SYT9: variants seen among roughly 807,000 people sequenced by gnomAD.
SYT9 encodes the protein synaptotagmin-9.
In SYT9, 22 loss-of-function variants were observed where a neutral mutation model predicts 48.4. The ratio of observed to expected loss-of-function variants is 0.45; its 90% confidence interval spans 0.32 to 0.65. The LOEUF is 0.65. Ranked by LOEUF, SYT9 falls within the 30% of genes least tolerant of loss-of-function variation. The pLI, the probability that SYT9 is intolerant of heterozygous loss-of-function variation, is 0.03. For missense variants in SYT9, 577 were observed against 622.0 expected, an observed-to-expected ratio of 0.93 and a Z score of 0.77; for synonymous variants, 265 against 245.0, an observed-to-expected ratio of 1.08 and a Z score of -0.76.
At chr11:7,395,824 A>T (rs1846741441) in intron 3 of SYT9, among the ~76,000 whole-genome samples, 1 of 151,730 alleles carries the variant, frequency 6.6e-6, no homozygotes. Flanking sequence ...AAGTGTTTAG[A>T]CCATTTACAT....
At chr11:7,442,778 G>T (rs1847851097) in intron 6 of SYT9, among the ~76,000 whole-genome samples, 1 of 152,096 alleles carries the variant, frequency 6.6e-6, no homozygotes, top group South Asian at 2.1e-4. Context: ...GCTGCCCTTT[G>T]CTGCCCTCCC....
At chr11:7,303,462 T>G in intron 2 of SYT9, 72 bp downstream of exon 2, 1 of 1,309,182 alleles carries the variant, frequency 7.6e-7, no homozygotes, top group Non-Finnish European at 1.0e-6. Flanking sequence ...ACAATAGCAC[T>G]GATAGGTCAA....
intron 6 of SYT9, among the ~76,000 whole-genome samples, chr11:7,455,718 C>T (rs536615710): frequency 6.6e-5 from 10 of 152,084 alleles, no homozygotes; most frequent in African/African-American, 1.4e-4. Context: ...GAAAGGAGAA[C>T]GTGAAGGTCC....
intron 3 of SYT9, among the ~76,000 whole-genome samples, chr11:7,378,140 CA>C: frequency 6.7e-6 from 1 of 148,784 alleles, no homozygotes; most frequent in Admixed American, 6.7e-5. Flanking sequence ...AAATTACCAG[CA>C]GAGAAGTGAG....
intron 1 of SYT9, among the ~76,000 whole-genome samples, chr11:7,298,231 C>T (rs539264990): frequency 1.1e-4 from 17 of 152,152 alleles, no homozygotes; most frequent in Admixed American, 5.2e-4. Context: ...TCTCGGTCTA[C>T]GTTCAGGTAC....
intron 6 of SYT9, among the ~76,000 whole-genome samples, chr11:7,459,410 T>A (rs4128948): frequency 0.31 from 47,189 of 151,810 alleles, 8,799 homozygotes; most frequent in African/African-American, 0.51. Flanking sequence ...GAGAAACCGA[T>A]AGACTGAGAA....
At chr11:7,464,744 C>T (rs889404845) in intron 6 of SYT9, among the ~76,000 whole-genome samples, 7 of 152,044 alleles carry the variant, frequency 4.6e-5, no homozygotes, top group Non-Finnish European at 1.0e-4. Flanking sequence ...GTTGAAAGAG[C>T]GGCTAGGGAA....
rs182433253 is a variant in SYT9 at position 7,466,917 on chromosome 11, G to C, written c.*117G>C. The C allele has an allele frequency of 1.1e-4, 143 of 1,297,822 alleles. No individual in the cohort carries two copies. In the African/African-American group the frequency reaches 1.9e-3, roughly 17 times the overall value. 80.4% of individuals were successfully genotyped at this position (1,297,822 alleles called of 1,614,324 possible). Reference sequence around the variant, plus strand: ...GACGATTTCAGTGACCAAATGCTCAGCTGTAACCACAGCACTAACTGGCCT... The same window carrying C: ...GACGATTTCAGTGACCAAATGCTCACCTGTAACCACAGCACTAACTGGCCT... On this transcript the variant is annotated 3_prime_UTR_variant, in exon 7 of 7. Coordinates refer to ENST00000318881, the MANE Select transcript of SYT9 (RefSeq NM_175733.4).
chr11:7,390,417 G>A (rs1441021124), intron 3 of SYT9, among the ~76,000 whole-genome samples: 1 of 152,242 alleles, frequency 6.6e-6, no homozygotes, highest in East Asian at 1.9e-4. Context: ...AGCAAAATGA[G>A]CCATGTGTCA....
intron 3 of SYT9, among the ~76,000 whole-genome samples, chr11:7,331,338 T>C (rs1849525630): frequency 6.6e-6 from 1 of 151,212 alleles, no homozygotes; most frequent in African/African-American, 2.4e-5. Flanking sequence ...TAGGATCTAG[T>C]GGCAATGTCT....
intron 3 of SYT9, among the ~76,000 whole-genome samples, chr11:7,321,141 C>G (rs893374043): frequency 3.9e-5 from 6 of 152,154 alleles, no homozygotes; most frequent in Non-Finnish European, 8.8e-5. Context: ...CATGTAATGA[C>G]AGTAGAAGTA....
chr11:7,370,609 C>G (rs901564427), intron 3 of SYT9, among the ~76,000 whole-genome samples: 1 of 151,984 alleles, frequency 6.6e-6, no homozygotes, highest in Non-Finnish European at 1.5e-5. Flanking sequence ...TCTCAACAAA[C>G]CAATGTTTTA....
intron 1 of SYT9, among the ~76,000 whole-genome samples, chr11:7,239,627 G>A (rs1387935300): frequency 6.6e-6 from 1 of 152,142 alleles, no homozygotes; most frequent in African/African-American, 2.4e-5. Flanking sequence ...TACTGAGTAA[G>A]CAACCAATAC....
chr11:7,354,083 G>A (rs1849971155), intron 3 of SYT9, among the ~76,000 whole-genome samples: 1 of 152,106 alleles, frequency 6.6e-6, no homozygotes, highest in South Asian at 2.1e-4. Flanking sequence ...TGATTTGATT[G>A]GAATTAAAAG....
chr11:7,391,011 T>C (rs1240412608), intron 3 of SYT9, among the ~76,000 whole-genome samples: 1 of 152,126 alleles, frequency 6.6e-6, no homozygotes, highest in African/African-American at 2.4e-5. Context: ...GTAGTATCTC[T>C]TGTCCCCATG....
chr11:7,260,750 T>C (rs1848063442), intron 1 of SYT9, among the ~76,000 whole-genome samples: 1 of 152,180 alleles, frequency 6.6e-6, no homozygotes, highest in Non-Finnish European at 1.5e-5. Context: ...AGTTTACCCA[T>C]TTTAGATCCC....
intron 6 of SYT9, chr11:7,465,771 A>G: frequency 1.1e-5 from 2 of 182,892 alleles, no homozygotes; most frequent in South Asian, 1.2e-4. Flanking sequence ...ATGGCTGGGG[A>G]GGCCTCAGAA....
intron 3 of SYT9, among the ~76,000 whole-genome samples, chr11:7,341,314 G>C (rs57568840): frequency 0.017 from 2,515 of 152,276 alleles, 73 homozygotes; most frequent in African/African-American, 0.058. Context: ...TGCGTTGGCT[G>C]TGTCCCCACC....
At chr11:7,382,953 A>G (rs2134048397) in intron 3 of SYT9, among the ~76,000 whole-genome samples, 1 of 152,298 alleles carries the variant, frequency 6.6e-6, no homozygotes, top group Admixed American at 6.5e-5. Flanking sequence ...CTTCCAATTC[A>G]ATTAATCATG....
Sources: gnomAD v4.1 joint callset for allele counts (sites outside exome capture counted in the v4.1 genomes callset) on GRCh38, gnomAD v4.1.1 for gene constraint, MANE v1.5 for transcripts, NCBI Gene and HGNC (gene_info 2026-07-23, HGNC 2026-07-21) for gene names.